Variants in OPA1 observed in about 807,000 individuals in gnomAD.
The protein encoded by OPA1 is OPA1 mitochondrial dynamin like GTPase.
OPA1 carries 59 observed loss-of-function variants against 152.9 expected under a neutral mutation model. That is an observed-to-expected ratio of 0.39 (90% CI 0.31 to 0.48). OPA1 has a LOEUF of 0.48. Among genes scored for constraint, OPA1 ranks in the 20% least tolerant of loss-of-function variants. The pLI is 0.96. For synonymous variants in OPA1, 400 were observed against 389.9 expected (o/e 1.03, Z -0.31); for missense variants, 1,008 against 1,216.8 (o/e 0.83, Z 2.55).
intron 6 of OPA1, among the ~76,000 whole-genome samples, chr3:193,622,274 GCTGGAGTACAGTGGTA>G (rs1218963878): frequency 7.7e-6 from 1 of 130,044 alleles, no homozygotes; most frequent in Non-Finnish European, 1.5e-5. Context: ...CTGTCACCCG[GCTGGAGTACAGTGGTA>G]CGATCTTGGC....
At chr3:193,671,175 A>T (rs1254783940) in intron 29 of OPA1, among the ~76,000 whole-genome samples, 7 of 152,226 alleles carry the variant, frequency 4.6e-5, no homozygotes, top group Non-Finnish European at 1.0e-4. Context: ...GGAAAAGAGT[A>T]ACTTTACAGT....
chr3:193,642,767 G>T lies in OPA1; in HGVS notation c.1152G>T (p.Val384=). The change falls in exon 12 of 31, where the codon GTG becomes GTT. Residue 384 remains valine, a splice_region_variant and synonymous_variant. Coordinates refer to ENST00000361510, the MANE Select transcript of OPA1 (RefSeq NM_130837.3). ...GEMMTRSPVK[V]TLSEGPHHVA... Reference sequence around the variant, plus strand: ...TCTCAGTTTTCTGTTACTATCAGGTGACTCTGAGTGAAGGTCCTCACCATG... The same window carrying T: ...TCTCAGTTTTCTGTTACTATCAGGTTACTCTGAGTGAAGGTCCTCACCATG... 5 of 1,607,508 alleles carry T rather than the reference G, an allele frequency of 3.1e-6. No homozygotes were observed. In the South Asian group the frequency reaches 5.5e-5, roughly 18 times the overall value.
At chr3:193,599,349 C>T (rs1396545401) in intron 1 of OPA1, among the ~76,000 whole-genome samples, 1 of 151,672 alleles carries the variant, frequency 6.6e-6, no homozygotes, top group Non-Finnish European at 1.5e-5. Flanking sequence ...CTCCTTGGGT[C>T]TCTTGCCCTT....
chr3:193,619,086 A>G (rs1223656073), intron 6 of OPA1, 150 bp downstream of exon 6: 3 of 679,458 alleles, frequency 4.4e-6, no homozygotes, highest in Non-Finnish European at 7.8e-6. Context: ...AGTGCAAAGT[A>G]CAAGGTATTA....
chr3:193,651,894 C>T (rs1160481721), intron 21 of OPA1, among the ~76,000 whole-genome samples: 1 of 135,170 alleles, frequency 7.4e-6, no homozygotes, highest in African/African-American at 2.9e-5. Flanking sequence ...GTATAATAGT[C>T]CTCTACTTTA....
intron 16 of OPA1, among the ~76,000 whole-genome samples, chr3:193,644,922 G>A (rs1232678742): frequency 1.3e-5 from 2 of 152,088 alleles, no homozygotes; most frequent in Admixed American, 1.3e-4. Context: ...ATCTGAATGG[G>A]CTTCAGGGGG....
At chr3:193,680,714 T>C (rs1719995978) in intron 29 of OPA1, among the ~76,000 whole-genome samples, 1 of 152,242 alleles carries the variant, frequency 6.6e-6, no homozygotes, top group African/African-American at 2.4e-5. Flanking sequence ...TTAAAGCATT[T>C]AATTGACTAA....
chr3:193,602,872 T>A (rs969078360), intron 1 of OPA1, among the ~76,000 whole-genome samples: 1 of 152,234 alleles, frequency 6.6e-6, no homozygotes, highest in Non-Finnish European at 1.5e-5. Flanking sequence ...ATTTCTTAGC[T>A]ATGGTCACAG....
Position 193,593,311 on chromosome 3 carries a change from G to GGCTGGGGCTCAC in OPA1, c.-66_-55dup. The GGCTGGGGCTCAC allele has an allele frequency of 2.0e-6, 3 of 1,504,688 alleles. No individual in the cohort carries two copies. The highest frequency in any genetic ancestry group is 1.8e-6 in the Non-Finnish European group (2 of 1,118,890). 93.2% of individuals were successfully genotyped at this position (1,504,688 alleles called of 1,614,324 possible). ...TGGGTCATTCCTGGACCGGGAGCCGGGCTGGGGCTCACACGGGGGCTCCCG... is the reference window on the plus strand; with the variant it reads ...TGGGTCATTCCTGGACCGGGAGCCGGGCTGGGGCTCACGCTGGGGCTCACACGGGGGCTCCCG... On this transcript the variant is annotated 5_prime_UTR_variant, in exon 1 of 31. Coordinates refer to ENST00000361510, the MANE Select transcript of OPA1 (RefSeq NM_130837.3).
At chr3:193,639,142 C>A (rs1733380191) in intron 11 of OPA1, among the ~76,000 whole-genome samples, 1 of 152,090 alleles carries the variant, frequency 6.6e-6, no homozygotes, top group Non-Finnish European at 1.5e-5. Flanking sequence ...AGGTATGGGG[C>A]TGCAGAGTCT....
intron 25 of OPA1, among the ~76,000 whole-genome samples, chr3:193,660,200 T>C (rs1714926301): frequency 6.6e-6 from 1 of 152,174 alleles, no homozygotes; most frequent in Admixed American, 6.6e-5. Context: ...TATTATCTTA[T>C]CTATATCTAC....
intron 22 of OPA1, among the ~76,000 whole-genome samples, 196 bp downstream of exon 22, chr3:193,655,223 T>C (rs959793523): frequency 2.0e-5 from 3 of 152,208 alleles, no homozygotes; most frequent in Non-Finnish European, 4.4e-5. Context: ...AAAAATTTAC[T>C]AATTGGTATG....
chr3:193,604,323 G>A (rs1027045584), intron 1 of OPA1, among the ~76,000 whole-genome samples: 3 of 152,174 alleles, frequency 2.0e-5, no homozygotes, highest in Non-Finnish European at 2.9e-5. Context: ...CTAAAAGCCT[G>A]CTCATGACTG....
intron 1 of OPA1, among the ~76,000 whole-genome samples, chr3:193,594,937 G>A (rs903411941): frequency 7.2e-5 from 11 of 152,334 alleles, no homozygotes; most frequent in African/African-American, 2.6e-4. Flanking sequence ...GACTGCAGAA[G>A]ATAGCATTCT....
chr3:193,668,737 C>G (rs1321536785), intron 29 of OPA1: 16 of 1,287,320 alleles, frequency 1.2e-5, no homozygotes, highest in African/African-American at 3.0e-5. Context: ...CCATGGCTTC[C>G]CCTTCCCACC....
In OPA1 at chr3:193,605,761, G is replaced by A. The variant is rs116677227; in HGVS notation, c.33-8962G>A. Among the ~76,000 whole-genome samples, 824 of 152,248 alleles carry A rather than the reference G, an allele frequency of 5.4e-3. 4 individuals carry two copies. Among genetic ancestry groups the A allele is most frequent in the African/African-American group, 0.016 (674 of 41,526 alleles). On this transcript the variant is annotated intron_variant, in intron 1 of 30. Coordinates refer to ENST00000361510, the MANE Select transcript of OPA1 (RefSeq NM_130837.3). ...ACCAAGTTTACTGGAACAGTATCACGTAGTAAAAAACTGTGTTTTTCTGAA... is the reference window on the plus strand; with the variant it reads ...ACCAAGTTTACTGGAACAGTATCACATAGTAAAAAACTGTGTTTTTCTGAA...
Position 193,667,801 on chromosome 3 carries a change from A to G in OPA1, c.2983+521A>G, listed in dbSNP as rs1716972535. Among the ~76,000 whole-genome samples, 4 of 152,180 alleles carry G rather than the reference A, an allele frequency of 2.6e-5. No homozygotes were observed. In the South Asian group the frequency reaches 6.2e-4, roughly 24 times the overall value. On this transcript the variant is annotated intron_variant, in intron 29 of 30. Transcript: ENST00000361510. ...ATAGTTCTTAGAAACAGATTTTCTC[A>G]TAGCAACCGAACATTGATAAATTAC...
intron 29 of OPA1, among the ~76,000 whole-genome samples, chr3:193,678,306 A>G (rs1719521736): frequency 1.3e-5 from 2 of 151,468 alleles, no homozygotes; most frequent in Admixed American, 1.3e-4. Flanking sequence ...CACTACTGGA[A>G]TTTGAGGGTT....
intron 8 of OPA1, among the ~76,000 whole-genome samples, chr3:193,634,354 G>GTGTTT (rs773178709): frequency 6.6e-6 from 1 of 151,070 alleles, no homozygotes; most frequent in African/African-American, 2.4e-5. Flanking sequence ...TTTGATTTTG[G>GTGTTT]TGTTTTGTTT....
Sources: allele counts gnomAD v4.1 joint callset (sites outside exome capture counted in the v4.1 genomes callset), GRCh38; gene constraint gnomAD v4.1.1; transcripts MANE v1.5; gene names NCBI Gene and HGNC (gene_info 2026-07-23, HGNC 2026-07-21).